Variants in NWD1 observed in about 807,000 individuals in gnomAD.
The protein encoded by NWD1 is NACHT domain- and WD repeat-containing protein 1.
A neutral mutation model predicts 135.1 loss-of-function variants in NWD1; 129 were observed. That is an observed-to-expected ratio of 0.96 (90% CI 0.83 to 1.11). The LOEUF is 1.11. NWD1 is among the 50% of genes least tolerant of loss of function. The pLI, the probability that NWD1 is intolerant of heterozygous loss-of-function variation, is 0.00. For missense variants in NWD1, 1,740 were observed against 1,851.3 expected (o/e 0.94, Z 1.10); for synonymous variants, 773 against 786.0 (o/e 0.98, Z 0.28).
At chr19:16,786,187 T>G (rs1386277149) in intron 12 of NWD1, among the ~76,000 whole-genome samples, 1 of 151,962 alleles carries the variant, frequency 6.6e-6, no homozygotes, top group African/African-American at 2.4e-5. Context: ...TTTACTTTTT[T>G]TTTTAGAGAC....
chr19:16,749,656 A>C lies in NWD1; in HGVS notation c.1014A>C (p.Val338=), dbSNP rs753114396. ...HDDSKQHTPL[V]LFGPPGIGKT... ...ACAGCAAGCAGCACACCCCCCTGGTACTCTTTGGGCCCCCAGGCATTGGAA... is the reference window on the plus strand; with the variant it reads ...ACAGCAAGCAGCACACCCCCCTGGTCCTCTTTGGGCCCCCAGGCATTGGAA... The change falls in exon 6 of 19, where the codon GTA becomes GTC. Residue 338 remains valine, a synonymous_variant. Coordinates refer to ENST00000524140, the MANE Select transcript of NWD1 (RefSeq NM_001007525.5). The C allele has an allele frequency of 6.2e-7, 1 of 1,603,982 alleles. No individual in the cohort carries two copies. Among genetic ancestry groups the C allele is most frequent in the African/African-American group, 1.3e-5 (1 of 74,660 alleles).
chr19:16,723,261 C>T (rs186458821), intron 1 of NWD1, among the ~76,000 whole-genome samples: 90 of 152,208 alleles, frequency 5.9e-4, no homozygotes, highest in African/African-American at 2.0e-3. Context: ...TACAGTGTTG[C>T]GATCTTGGCT....
At chr19:16,779,869 C>G (rs1969795131) in intron 12 of NWD1, among the ~76,000 whole-genome samples, 1 of 152,134 alleles carries the variant, frequency 6.6e-6, no homozygotes, top group Admixed American at 6.6e-5. Flanking sequence ...CTCTTGGGCT[C>G]AAGTGATCCT....
At chr19:16,756,725 A>G (rs1968813037) in intron 6 of NWD1, among the ~76,000 whole-genome samples, 1 of 152,068 alleles carries the variant, frequency 6.6e-6, no homozygotes, top group Non-Finnish European at 1.5e-5. Context: ...ATCCCCCAGT[A>G]CCGGTACTGC....
intron 9 of NWD1, 145 bp downstream of exon 9, chr19:16,764,090 C>T (rs1195021722): frequency 1.7e-6 from 1 of 601,392 alleles, no homozygotes; most frequent in Non-Finnish European, 3.0e-6. Context: ...CAATTCTACA[C>T]CCAGGGGATG....
Position 16,744,724 on chromosome 19 carries a change from G to T in NWD1, c.496+6G>T. Reference sequence around the variant, plus strand: ...GCAGCACTACCACCGGTCAGGTGAGGCCGCAGGGACTCCCCTCTGGAGACC... The same window carrying T: ...GCAGCACTACCACCGGTCAGGTGAGTCCGCAGGGACTCCCCTCTGGAGACC... On this transcript the variant is annotated splice_donor_region_variant and intron_variant, in intron 5 of 18. Transcript: ENST00000524140. 2 of 1,534,932 alleles carry T rather than the reference G, an allele frequency of 1.3e-6. No individual in the cohort carries two copies. The highest frequency in any genetic ancestry group is 1.7e-6 in the Non-Finnish European group (2 of 1,145,926).
intron 3 of NWD1, among the ~76,000 whole-genome samples, chr19:16,735,802 G>C (rs1239497396): frequency 4.4e-5 from 2 of 45,820 alleles, no homozygotes; most frequent in African/African-American, 1.7e-4. Flanking sequence ...TGGAAGGAAG[G>C]AAGGAAGGAA....
intron 6 of NWD1, among the ~76,000 whole-genome samples, chr19:16,751,878 T>A (rs1257063201): frequency 1.1e-3 from 90 of 83,680 alleles, no homozygotes; most frequent in Admixed American, 1.3e-3. Context: ...AAAGAAGAGA[T>A]AAAGGAAAGA....
intron 1 of NWD1, among the ~76,000 whole-genome samples, chr19:16,721,189 G>GT (rs1967123787): frequency 6.6e-6 from 1 of 152,010 alleles, no homozygotes; most frequent in Admixed American, 6.6e-5. Context: ...GGTGGTGGTG[G>GT]TGGGGGTGTG....
Position 16,749,623 on chromosome 19 carries a change from G to C in NWD1, c.981G>C (p.Arg327Ser), listed in dbSNP as rs1176348066. ...ELLARLGQQL[R>S]HDDSKQHTPL... ...TGGCCCGGCTTGGGCAGCAGCTCAG[G>C]CACGATGACAGCAAGCAGCACACCC... The change falls in exon 6 of 19, where the codon AGG becomes AGC. Residue 327 changes from arginine to serine, a missense_variant. Arg to Ser is a moderately radical substitution (Grantham distance 110, BLOSUM62 -1). Coordinates refer to ENST00000524140, the MANE Select transcript of NWD1 (RefSeq NM_001007525.5). The C allele has an allele frequency of 6.2e-7, 1 of 1,611,188 alleles. No homozygotes were observed. The highest frequency in any genetic ancestry group is 8.5e-7 in the Non-Finnish European group (1 of 1,178,028).
Position 16,815,966 on chromosome 19 carries a change from T to A in NWD1, c.*927T>A, listed in dbSNP as rs187055463. On this transcript the variant is annotated 3_prime_UTR_variant, in exon 19 of 19. Transcript: ENST00000524140. ...CTTGCGGAAGTAGTTATAATTTGAT[T>A]CAGGTCACAAGTCCAAGGTGCAAGA... 1 of 152,428 alleles carries A rather than the reference T, an allele frequency of 6.6e-6. No individual in the cohort carries two copies. Among genetic ancestry groups the A allele is most frequent in the Non-Finnish European group, 1.5e-5 (1 of 68,138 alleles). 9.4% of individuals were successfully genotyped at this position (152,428 alleles called of 1,614,324 possible). A position where few individuals can be genotyped will look rare whatever the true frequency, so the allele number is the denominator to read the frequency against.
intron 8 of NWD1, 107 bp from the exon 9 acceptor site, chr19:16,763,721 T>A: frequency 2.7e-6 from 2 of 738,684 alleles, no homozygotes; most frequent in Non-Finnish European, 4.8e-6. Flanking sequence ...CATTGCATTC[T>A]CGTCCACTCC....
intron 18 of NWD1, among the ~76,000 whole-genome samples, chr19:16,808,753 A>G (rs1246793535): frequency 6.6e-6 from 1 of 151,916 alleles, no homozygotes; most frequent in Non-Finnish European, 1.5e-5. Context: ...GATTTCAGGC[A>G]TGACCCACCG....
At chr19:16,800,263 A>C in intron 17 of NWD1, 101 bp downstream of exon 17, 1 of 1,210,530 alleles carries the variant, frequency 8.3e-7, no homozygotes, top group Non-Finnish European at 1.2e-6. Context: ...GCTGGGCCCC[A>C]TGGCTCACGC....
intron 17 of NWD1, 126 bp downstream of exon 17, chr19:16,800,288 C>A: frequency 1.0e-6 from 1 of 962,560 alleles, no homozygotes; most frequent in Non-Finnish European, 1.5e-6. Flanking sequence ...AATCCCAGGA[C>A]TTTGGGAGGC....
At chr19:16,779,277 G>A (rs1969769746) in intron 11 of NWD1, 66 bp from the exon 12 acceptor site, 1 of 1,589,934 alleles carries the variant, frequency 6.3e-7, no homozygotes, top group South Asian at 1.1e-5. Flanking sequence ...CTCATTAGAG[G>A]ACCCCATAGC....
chr19:16,732,350 A>T (rs1967605977), intron 3 of NWD1, among the ~76,000 whole-genome samples: 1 of 151,988 alleles, frequency 6.6e-6, no homozygotes, highest in African/African-American at 2.4e-5. Context: ...TGTCCCTTGC[A>T]GTGTGACCTT....
Position 16,808,108 on chromosome 19 carries a change from G to T in NWD1, c.4259G>T (p.Arg1420Leu). ...CTGTGTCTCTGGGACCTGCAGGCACGCAAGTGGAAATTCGAGATGAGCTAC... is the reference window on the plus strand; with the variant it reads ...CTGTGTCTCTGGGACCTGCAGGCACTCAAGTGGAAATTCGAGATGAGCTAC... Reference protein sequence around the residue: ...ALLCLWDLQARKWKFEMSYTA... With the variant: ...ALLCLWDLQALKWKFEMSYTA... The change falls in exon 18 of 19, where the codon CGC becomes CTC. Residue 1420 changes from arginine (R) to leucine (L), a missense_variant. Coordinates refer to ENST00000524140, the MANE Select transcript of NWD1 (RefSeq NM_001007525.5). 1.2e-6 allele frequency: 2 copies of T among 1,613,916 alleles called. No homozygotes were observed. Among genetic ancestry groups the T allele is most frequent in the Non-Finnish European group, 1.7e-6 (2 of 1,179,994 alleles).
intron 6 of NWD1, among the ~76,000 whole-genome samples, chr19:16,753,829 T>TCATCCATCCATC (rs79060014): frequency 3.0e-4 from 41 of 135,028 alleles, no homozygotes; most frequent in East Asian, 9.4e-4. Flanking sequence ...ATCATCTCTA[T>TCATCCATCCATC]CATCCATCCA....
Sources: allele counts gnomAD v4.1 joint callset (sites outside exome capture counted in the v4.1 genomes callset), GRCh38; gene constraint gnomAD v4.1.1; transcripts MANE v1.5; gene names NCBI Gene and HGNC (gene_info 2026-07-23, HGNC 2026-07-21).